The following GLB1L3 variants were observed in gnomAD, a reference collection of about 807,000 sequenced individuals.
GLB1L3 encodes the protein galactosidase beta 1 like 3.
GLB1L3 carries 89 observed loss-of-function variants against 89.5 expected under a neutral mutation model. The ratio of observed to expected loss-of-function variants is 0.99; its 90% CI spans 0.84 to 1.19. GLB1L3 has a LOEUF of 1.19. Among genes scored for constraint, GLB1L3 ranks in the 50% most tolerant of loss-of-function variants. GLB1L3 has a pLI of 0.00. For missense variants in GLB1L3, 812 were observed against 813.3 expected (o/e 1.00, Z 0.02); for synonymous variants, 314 against 312.3 (o/e 1.01, Z -0.06).
In GLB1L3 at chr11:134,276,588, C is replaced by A; in HGVS notation, c.-153C>A. The A allele has an allele frequency of 1.5e-6, 1 of 667,434 alleles. No homozygotes were observed. Among genetic ancestry groups the A allele is most frequent in the Non-Finnish European group, 2.1e-6 (1 of 474,430 alleles). The allele number at this position is 667,434 out of a possible 1,614,324, so 41.3% of individuals were successfully genotyped here. A position where few individuals can be genotyped will look rare whatever the true frequency, so the allele number is the denominator to read the frequency against. On this transcript the variant is annotated 5_prime_UTR_variant, in exon 1 of 20. Coordinates refer to ENST00000431683, the MANE Select transcript of GLB1L3 (RefSeq NM_001080407.3). ...GGACCCGGACCCGGCGCCCGCGCCT[C>A]GGGACGGATTTCTGCCTCGGCTGCA...
intron 6 of GLB1L3, among the ~76,000 whole-genome samples, chr11:134,288,391 G>C (rs1262583776): frequency 6.6e-6 from 1 of 152,216 alleles, no homozygotes; most frequent in Non-Finnish European, 1.5e-5. Context: ...GGAGGGGAGA[G>C]GGGCTGTGCC....
intron 3 of GLB1L3, among the ~76,000 whole-genome samples, chr11:134,280,811 C>T (rs1365381868): frequency 6.6e-6 from 1 of 152,130 alleles, no homozygotes; most frequent in Non-Finnish European, 1.5e-5. Context: ...TGTTAAGGGG[C>T]ATAACACTCA....
chr11:134,313,347 G>A, intron 15 of GLB1L3, 49 bp from the exon 16 acceptor site: 1 of 1,457,004 alleles, frequency 6.9e-7, no homozygotes, highest in East Asian at 2.5e-5. Context: ...TTGTCGGGTA[G>A]ACGCCCTCCA....
At chr11:134,284,742 A>G (rs372689367) in intron 6 of GLB1L3, among the ~76,000 whole-genome samples, 1 of 151,882 alleles carries the variant, frequency 6.6e-6, no homozygotes, top group East Asian at 1.9e-4. Context: ...AAACAAAACG[A>G]AACAAAAAAA....
Position 134,292,145 on chromosome 11 carries a change from G to C in GLB1L3, c.743G>C (p.Arg248Thr). 1 of 1,613,508 alleles carries C rather than the reference G, an allele frequency of 6.2e-7. No individual in the cohort carries two copies. The highest frequency in any genetic ancestry group is 1.3e-5 in the African/African-American group (1 of 75,026). Residue 248 changes from arginine to threonine, a missense_variant, in exon 8 of 20, where the codon AGA (arginine) becomes ACA (threonine). By Grantham distance (71) the Arg-to-Thr change is moderately conservative. Around this residue, in one of 3 missense-constraint regions of GLB1L3, gnomAD observed 618 missense variants for 604.0 expected, o/e 1.02. Transcript: ENST00000431683. ...TTTTCTCAACAGGCCCTGCTGAGAA[G>C]AGGGATTGTGGAGCTTCTCTTGACC... ...MPYLHKALLR[R>T]GIVELLLTSD...
intron 9 of GLB1L3, among the ~76,000 whole-genome samples, chr11:134,299,739 AT>A (rs1941843822): frequency 6.6e-6 from 1 of 152,014 alleles, no homozygotes; most frequent in Admixed American, 6.5e-5. Context: ...GCTTCCCCTG[AT>A]GTTCTGATTA....
At chr11:134,301,574 T>C (rs1224756826) in intron 9 of GLB1L3, among the ~76,000 whole-genome samples, 1 of 152,184 alleles carries the variant, frequency 6.6e-6, no homozygotes, top group East Asian at 1.9e-4. Flanking sequence ...GATTTTTTTT[T>C]AAGTTGTCTC....
rs779332653 is a variant in GLB1L3 at position 134,283,743 on chromosome 11, C to G, written c.534C>G (p.Leu178=). 1.9e-6 allele frequency: 3 copies of G among 1,609,214 alleles called. No homozygotes were observed. The Admixed American group carries it at 5.0e-5, about 27-fold the overall frequency. ...EMDLGGLPSW[L]LQDPRLLLRT... is the part of the protein sequence containing the mutation. ...CCGCCCCTCTTGCCCCCAGCTGGCTCCTGCAAGACCCCCGGTTACTGTTGA... is the reference window on the plus strand; with the variant it reads ...CCGCCCCTCTTGCCCCCAGCTGGCTGCTGCAAGACCCCCGGTTACTGTTGA... Residue 178 remains leucine (L), a synonymous_variant, in exon 6 of 20, where the codon CTC becomes CTG. Transcript: ENST00000431683.
intron 10 of GLB1L3, 45 bp downstream of exon 10, chr11:134,307,253 G>A (rs761407218): frequency 1.2e-5 from 17 of 1,385,780 alleles, no homozygotes; most frequent in African/African-American, 1.4e-5. Flanking sequence ...ATGGCCCCAG[G>A]TCCCATGAGA....
In GLB1L3 at chr11:134,289,523, T is replaced by G. The variant is rs144655294; in HGVS notation, c.729+633T>G. Among the ~76,000 whole-genome samples, 847 of 152,298 alleles carry G rather than the reference T, an allele frequency of 5.6e-3. 8 individuals carry two copies. The highest frequency in any genetic ancestry group is 0.02 in the African/African-American group (822 of 41,548). On this transcript the variant is annotated intron_variant, in intron 7 of 19. Coordinates refer to ENST00000431683, the MANE Select transcript of GLB1L3 (RefSeq NM_001080407.3). ...CATTTTCTCTGTGAATTTACAGCAG[T>G]CAAGACAATCACTATGTACCTAAAT... is the stretch of plus-strand genomic sequence containing the variant.
At position 134,312,443 on chromosome 11, in the gene GLB1L3, T is replaced by C; in HGVS notation, c.1382T>C (p.Ile461Thr). ...GGGCTTGTCCTGTATGAGAAGTCCA[T>C]CTGCTCCGGAGGCCGCCTCCGTGCC... ...SYGLVLYEKS[I>T]CSGGRLRAHA... is the part of the protein sequence containing the mutation. The change falls in exon 14 of 20, where the codon ATC becomes ACC. Residue 461 changes from isoleucine to threonine, a missense_variant. This residue lies in a region of GLB1L3 where 618 missense variants were observed against 604.0 expected (regional missense o/e 1.02). Coordinates refer to ENST00000431683, the MANE Select transcript of GLB1L3 (RefSeq NM_001080407.3). 1.2e-6 allele frequency: 2 copies of C among 1,613,550 alleles called. No homozygotes were observed. Among genetic ancestry groups the C allele is most frequent in the Non-Finnish European group, 1.7e-6 (2 of 1,179,882 alleles).
chr11:134,295,073 G>A (rs1418443097), intron 9 of GLB1L3, among the ~76,000 whole-genome samples: 1 of 152,080 alleles, frequency 6.6e-6, no homozygotes, highest in East Asian at 1.9e-4. Flanking sequence ...ATTGGTCTTT[G>A]GTTTTCTTTT....
chr11:134,294,900 G>A (rs1469331868), intron 9 of GLB1L3, among the ~76,000 whole-genome samples: 2 of 152,194 alleles, frequency 1.3e-5, no homozygotes, highest in Admixed American at 6.5e-5. Flanking sequence ...AGGCCGTCCT[G>A]CTTTAGTGTG....
At chr11:134,308,402 C>CAA (rs1942432430) in intron 10 of GLB1L3, among the ~76,000 whole-genome samples, 1 of 101,110 alleles carries the variant, frequency 9.9e-6, no homozygotes, top group Non-Finnish European at 2.0e-5. Context: ...CCACCATCAC[C>CAA]ATCACCACCA....
At position 134,312,885 on chromosome 11, in the gene GLB1L3, AG is replaced by A. The variant is rs1242245267; in HGVS notation, c.1500+1del. On this transcript the variant is annotated frameshift_variant and splice_region_variant, in exon 15 of 20. Coordinates refer to ENST00000431683, the MANE Select transcript of GLB1L3 (RefSeq NM_001080407.3). LOFTEE classifies it high-confidence loss of function. Reference sequence around the variant, plus strand: ...TAAGGACCTGCACATTCCTGAACTCAGGGTATGTAATTTGAGAGTCCAGGTG... The same window carrying A: ...TAAGGACCTGCACATTCCTGAACTCAGGTATGTAATTTGAGAGTCCAGGTG... ...NNKDLHIPEL[R>X]DCRYLRILVE... is the part of the protein sequence containing the mutation. 10 of 1,599,968 alleles carry A rather than the reference AG, an allele frequency of 6.3e-6. No individual in the cohort carries two copies. The highest frequency in any genetic ancestry group is 8.6e-6 in the Non-Finnish European group (10 of 1,169,120).
intron 10 of GLB1L3, 74 bp from the exon 11 acceptor site, chr11:134,309,552 A>G (rs1053917415): frequency 8.1e-7 from 1 of 1,236,604 alleles, no homozygotes; most frequent in African/African-American, 1.5e-5. Context: ...GTTGGAAAGG[A>G]TAAGAGTTTG....
At chr11:134,301,893 A>G (rs1036819212) in intron 9 of GLB1L3, among the ~76,000 whole-genome samples, 2 of 151,852 alleles carry the variant, frequency 1.3e-5, no homozygotes, top group African/African-American at 2.4e-5. Flanking sequence ...GAGTTTTTCT[A>G]TTTTTTTCCT....
At chr11:134,298,503 A>G (rs1941773763) in intron 9 of GLB1L3, among the ~76,000 whole-genome samples, 1 of 152,138 alleles carries the variant, frequency 6.6e-6, no homozygotes, top group African/African-American at 2.4e-5. Flanking sequence ...CCAAATCTCA[A>G]CTTGAATTGT....
chr11:134,312,706 C>A, intron 14 of GLB1L3, 110 bp from the exon 15 acceptor site: 1 of 990,790 alleles, frequency 1.0e-6, no homozygotes. Context: ...TCAGTGAGCA[C>A]CACAGCTGGT....
Sources: gnomAD v4.1 joint callset for allele counts (sites outside exome capture counted in the v4.1 genomes callset) on GRCh38, gnomAD v4.1.1 for gene constraint, gnomAD v4.1.1 regional missense constraint, MANE v1.5 for transcripts, NCBI Gene and HGNC (gene_info 2026-07-23, HGNC 2026-07-21) for gene names.